MAP7D2: variants seen among roughly 807,000 people sequenced by gnomAD.
MAP7D2 encodes the protein MAP7 domain containing 2, also known as MAP7 domain-containing protein 2.
MAP7D2 carries 33 observed loss-of-function variants against 63.5 expected under a neutral mutation model. The observed-to-expected ratio is 0.52, with a 90% CI of 0.39 to 0.70. MAP7D2 has a LOEUF of 0.70. Ranked by LOEUF, MAP7D2 falls within the 30% of genes least tolerant of loss-of-function variation. The pLI, the probability that MAP7D2 is intolerant of heterozygous loss-of-function variation, is 0.00. For synonymous variants in MAP7D2, 224 were observed against 223.7 expected (o/e 1.00, Z -0.01); for missense variants, 626 against 604.0 (o/e 1.04, Z -0.38).
At chrX:20,013,844 C>T (rs1475571839) in intron 12 of MAP7D2, among the ~76,000 whole-genome samples, 2 of 112,362 alleles carry the variant, frequency 1.8e-5, no homozygotes, top group Non-Finnish European at 3.8e-5. Flanking sequence ...TTAACTAGTA[C>T]GTATCTAGAA....
chrX:20,042,698 C>A, intron 7 of MAP7D2, 69 bp from the exon 8 acceptor site: 1 of 1,121,081 alleles, frequency 8.9e-7, no homozygotes, highest in Non-Finnish European at 1.2e-6. Context: ...GACTAATACC[C>A]CAGATGGAAC....
chrX:20,109,627 C>A (rs927800280), intron 1 of MAP7D2, among the ~76,000 whole-genome samples: 2 of 111,213 alleles, frequency 1.8e-5, no homozygotes, highest in Non-Finnish European at 1.9e-5. Flanking sequence ...ATAACTTAAC[C>A]TTTCTTCTTT....
chrX:20,043,760 C>T (rs1263080750), intron 7 of MAP7D2, among the ~76,000 whole-genome samples: 2 of 112,405 alleles, frequency 1.8e-5, no homozygotes, highest in Non-Finnish European at 3.8e-5. Context: ...TAGTATGGCA[C>T]TGTGTAATTT....
At chrX:20,106,632 C>T (rs1045451692) in intron 1 of MAP7D2, among the ~76,000 whole-genome samples, 14 of 112,149 alleles carry the variant, frequency 1.2e-4, no homozygotes, top group African/African-American at 4.5e-4. Context: ...CTATTGAGCA[C>T]GTGAAACGCA....
chrX:20,016,522 C>T (rs1209893896), intron 10 of MAP7D2, among the ~76,000 whole-genome samples, 197 bp from the exon 11 acceptor site: 1 of 112,312 alleles, frequency 8.9e-6, no homozygotes, highest in Non-Finnish European at 1.9e-5. Context: ...AAGTATTAAC[C>T]AGGCTTGACT....
At chrX:20,016,437 C>A in intron 10 of MAP7D2, 112 bp from the exon 11 acceptor site, 1 of 616,347 alleles carries the variant, frequency 1.6e-6, no homozygotes, top group Admixed American at 2.9e-5. Flanking sequence ...CACACACATA[C>A]CTTTCAACGA....
At chrX:20,036,487 C>A (rs1205074745) in intron 8 of MAP7D2, among the ~76,000 whole-genome samples, 4 of 106,874 alleles carry the variant, frequency 3.7e-5, no homozygotes, top group African/African-American at 1.4e-4. Flanking sequence ...TGTGATCCAC[C>A]CACCTTGGCC....
chrX:20,115,569 C>G (rs2066871846), intron 1 of MAP7D2, among the ~76,000 whole-genome samples: 1 of 111,638 alleles, frequency 9.0e-6, no homozygotes, highest in Non-Finnish European at 1.9e-5. Flanking sequence ...TATCCTGTGA[C>G]AGTTAATGAA....
intron 1 of MAP7D2, among the ~76,000 whole-genome samples, chrX:20,069,807 ACT>A (rs2065454127): frequency 1.1e-5 from 1 of 93,717 alleles, no homozygotes; most frequent in African/African-American, 4.0e-5. Flanking sequence ...ACAGGGTTTC[ACT>A]CTGTCACCCA....
At chrX:20,102,005 C>T (rs1280573849) in intron 1 of MAP7D2, among the ~76,000 whole-genome samples, 1 of 111,918 alleles carries the variant, frequency 8.9e-6, no homozygotes, top group African/African-American at 3.2e-5. Context: ...ATAAGCAAAG[C>T]AAATCTATAG....
intron 1 of MAP7D2, among the ~76,000 whole-genome samples, chrX:20,094,546 A>ATATATGTG (rs2066189332): frequency 1.2e-4 from 1 of 8,514 alleles, no homozygotes; most frequent in African/African-American, 4.6e-4. Context: ...ATATATGTAT[A>ATATATGTG]TATATATATA....
intron 1 of MAP7D2, among the ~76,000 whole-genome samples, chrX:20,071,442 A>T (rs958829417): frequency 1.8e-5 from 2 of 112,534 alleles, no homozygotes; most frequent in African/African-American, 6.5e-5. Context: ...TTGAGCATGC[A>T]TCAGAACCAC....
chrX:20,098,028 A>G (rs183521803), intron 1 of MAP7D2, among the ~76,000 whole-genome samples: 1 of 111,902 alleles, frequency 8.9e-6, no homozygotes, highest in Admixed American at 9.5e-5. Flanking sequence ...CAATATGACT[A>G]TATTGATATA....
chrX:20,045,443 C>T (rs752765397), intron 6 of MAP7D2, among the ~76,000 whole-genome samples: 3 of 97,815 alleles, frequency 3.1e-5, no homozygotes, highest in African/African-American at 1.1e-4. Flanking sequence ...AGGAGGATCG[C>T]TTGAGCCTGG....
At chrX:20,055,672 T>G in intron 4 of MAP7D2, 1 of 643,390 alleles carries the variant, frequency 1.6e-6, no homozygotes, top group East Asian at 8.3e-5. Flanking sequence ...GACATGGTGA[T>G]GGGGGAGGAT....
intron 8 of MAP7D2, among the ~76,000 whole-genome samples, chrX:20,029,445 C>T (rs2073979369): frequency 8.9e-6 from 1 of 112,195 alleles, no homozygotes; most frequent in South Asian, 3.7e-4. Context: ...GAGAAAAGGC[C>T]AGGGTGGCCT....
At chrX:20,116,420 G>T (rs956001875) in intron 1 of MAP7D2, 1 of 310,594 alleles carries the variant, frequency 3.2e-6, no homozygotes, top group South Asian at 1.6e-4. Flanking sequence ...CGACCCCCAT[G>T]CCGGCTGCTC....
In MAP7D2 at chrX:20,068,315, G is replaced by A. The variant is rs767546823; in HGVS notation, c.131-3510C>T. Among the ~76,000 whole-genome samples, 3 of 112,231 alleles carry A rather than the reference G, an allele frequency of 2.7e-5. No individual in the cohort carries two copies. The South Asian group carries it at 1.1e-3, about 42-fold the overall frequency. On this transcript the variant is annotated intron_variant, in intron 1 of 16. Transcript: ENST00000379643. ...TTACCACCCTGCAGTGAGAAGCCTG[G>A]CAGCTCCCTCCTGTGATTCTCTCTC... is the stretch of plus-strand genomic sequence containing the variant.
intron 9 of MAP7D2, 21 bp from the exon 10 acceptor site, chrX:20,025,104 C>T: frequency 8.4e-7 from 1 of 1,185,657 alleles, no homozygotes; most frequent in Non-Finnish European, 1.1e-6. Context: ...GGAGAGGCAT[C>T]AAGAGGAAAA....
Sources: gnomAD v4.1 joint callset for allele counts (sites outside exome capture counted in the v4.1 genomes callset) on GRCh38, gnomAD v4.1.1 for gene constraint, MANE v1.5 for transcripts, NCBI Gene and HGNC (gene_info 2026-07-23, HGNC 2026-07-21) for gene names.